The following FGFRL1 variants were observed in gnomAD, a reference collection of about 807,000 sequenced individuals.
FGFRL1 encodes fibroblast growth factor receptor like 1, also known as fibroblast growth factor receptor-like 1.
In FGFRL1, 24 loss-of-function variants were observed where a neutral mutation model predicts 36.8. That is an observed-to-expected ratio of 0.65 (90% CI 0.47 to 0.92). The LOEUF is 0.92. FGFRL1 is among the 40% of genes least tolerant of loss of function. FGFRL1 has a pLI of 0.00. For missense variants in FGFRL1, 785 were observed against 753.4 expected, an observed-to-expected ratio of 1.04 and a Z score of -0.49; for synonymous variants, 422 against 344.1, an observed-to-expected ratio of 1.23 and a Z score of -2.50.
rs1210383455 is a variant in FGFRL1, at chr4:1,024,921, G to A, written c.1089G>A (p.Gly363=). 4.4e-6 allele frequency: 7 copies of A among 1,595,846 alleles called. No individual in the cohort carries two copies. The highest frequency in any genetic ancestry group is 1.3e-5 in the African/African-American group (1 of 74,662). Residue 363 remains glycine (G), a synonymous_variant, in exon 7 of 7, where the codon GGG becomes GGA. Coordinates refer to ENST00000510644, the MANE Select transcript of FGFRL1 (RefSeq NM_001004356.3). ...LTVLPDPKPP[G]PPVASSSSAT... ...CTCTTGCAGACCCAAAACCGCCAGG[G>A]CCACCTGTGGCCTCCTCGTCCTCGG...
At position 1,025,302 on chromosome 4, in the gene FGFRL1, A is replaced by G. The variant is rs761525836; in HGVS notation, c.1470A>G (p.Ser490=). 2 of 1,570,068 alleles carry G rather than the reference A, an allele frequency of 1.3e-6. No individual in the cohort carries two copies. The highest frequency in any genetic ancestry group is 2.3e-5 in the South Asian group (2 of 86,844). ...THTHTHSHTH[S]HVEGKVHQHI... is the part of the protein sequence containing the mutation. ...CACACACACACTCTCACACACACTC[A>G]CACGTGGAGGGCAAGGTCCACCAGC... is the stretch of plus-strand genomic sequence containing the variant. The change falls in exon 7 of 7, where the codon TCA becomes TCG. Residue 490 remains serine (S), a synonymous_variant. Coordinates refer to ENST00000510644, the MANE Select transcript of FGFRL1 (RefSeq NM_001004356.3).
rs1471904638 is a variant in FGFRL1 at position 1,024,374 on chromosome 4, G to A, written c.782G>A (p.Gly261Glu). ...CCCGTGAACACGACGGTGGACTTCG[G>A]GGGGACCACGTCCTTCCAGTGCAAG... ...THPVNTTVDFGGTTSFQCKVR... is the reference protein window; with the variant it reads ...THPVNTTVDFEGTTSFQCKVR... The change falls in exon 6 of 7, where the codon GGG becomes GAG. Residue 261 changes from glycine (G) to glutamate (E), a missense_variant. Physicochemically the swap from Gly to Glu is moderately conservative, Grantham distance 98. Coordinates refer to ENST00000510644, the MANE Select transcript of FGFRL1 (RefSeq NM_001004356.3). 6.2e-7 allele frequency: 1 copy of A among 1,612,418 alleles called. No homozygotes were observed. Among genetic ancestry groups the A allele is most frequent in the Admixed American group, 1.7e-5 (1 of 60,006 alleles).
At chr4:1,013,189 C>T (rs1354983679) in intron 2 of FGFRL1, among the ~76,000 whole-genome samples, 2 of 152,256 alleles carry the variant, frequency 1.3e-5, no homozygotes, top group Non-Finnish European at 2.9e-5. Flanking sequence ...CTGGTACGTG[C>T]TCATGGCACC....
rs1288343336 is a variant in FGFRL1, at chr4:1,026,281, C to T, written c.*934C>T. On this transcript the variant is annotated 3_prime_UTR_variant, in exon 7 of 7. Coordinates refer to ENST00000510644, the MANE Select transcript of FGFRL1 (RefSeq NM_001004356.3). ...ACACACTTCCGGACACACATGCACA[C>T]ACAGGTGCAGATATGCTGCCTGGAC... 1 of 158,480 alleles carries T rather than the reference C, an allele frequency of 6.3e-6. No homozygotes were observed. The highest frequency in any genetic ancestry group is 1.4e-5 in the Non-Finnish European group (1 of 72,220). 9.8% of individuals were successfully genotyped at this position (158,480 alleles called of 1,614,324 possible).
intron 2 of FGFRL1, among the ~76,000 whole-genome samples, chr4:1,014,357 C>G (rs1174009735): frequency 2.6e-5 from 4 of 152,038 alleles, no homozygotes; most frequent in Admixed American, 1.3e-4. Flanking sequence ...TTGAGAGGTT[C>G]TGCATGAAAT....
chr4:1,025,290 T>G lies in FGFRL1; in HGVS notation c.1458T>G (p.Ser486=). 6.4e-7 allele frequency: 1 copy of G among 1,569,650 alleles called. No individual in the cohort carries two copies. The highest frequency in any genetic ancestry group is 1.4e-5 in the African/African-American group (1 of 73,448). ...TDIHTHTHTH[S]HTHSHVEGKV... is the part of the protein sequence containing the mutation. ...TCCACACACACACACACACACACTC[T>G]CACACACACTCACACGTGGAGGGCA... is the stretch of plus-strand genomic sequence containing the variant. Residue 486 remains serine (S), a synonymous_variant, in exon 7 of 7, where the codon TCT becomes TCG. Transcript: ENST00000510644.
chr4:1,010,416 C>T (rs1335238373), upstream of FGFRL1, among the ~76,000 whole-genome samples: 1 of 152,242 alleles, frequency 6.6e-6, no homozygotes, highest in Non-Finnish European at 1.5e-5. Flanking sequence ...TTGGGACGGC[C>T]GGGTAGTTCG....
upstream of FGFRL1, among the ~76,000 whole-genome samples, chr4:1,010,452 C>G (rs1183000691): frequency 2.0e-5 from 3 of 152,262 alleles, no homozygotes; most frequent in Admixed American, 2.0e-4. Context: ...CACACCCTGA[C>G]AGCTGGCGCC....
At chr4:1,020,477 G>C (rs1488082198) in intron 2 of FGFRL1, among the ~76,000 whole-genome samples, 1 of 151,726 alleles carries the variant, frequency 6.6e-6, no homozygotes, top group African/African-American at 2.4e-5. Context: ...GCGGTGCCCC[G>C]AGTTTCTGAG....
chr4:1,010,469 G>A (rs112732512), upstream of FGFRL1, among the ~76,000 whole-genome samples: 2,248 of 152,326 alleles, frequency 0.015, 49 homozygotes, highest in African/African-American at 0.048. Flanking sequence ...CGCCCCCCAC[G>A]CCCCGCCTAG....
chr4:1,013,831 C>T (rs1259677310), intron 2 of FGFRL1, among the ~76,000 whole-genome samples: 1 of 152,294 alleles, frequency 6.6e-6, no homozygotes, highest in African/African-American at 2.4e-5. Context: ...GAGCCCGCCT[C>T]TTCGTGGAGA....
intron 2 of FGFRL1, among the ~76,000 whole-genome samples, chr4:1,014,739 C>T (rs1254392720): frequency 3.3e-5 from 5 of 152,362 alleles, no homozygotes; most frequent in African/African-American, 7.2e-5. Flanking sequence ...GTGGCTGGCC[C>T]GTGTGCAGCG....
chr4:1,024,864 C>T (rs371931630), intron 6 of FGFRL1, 41 bp from the exon 7 acceptor site: 74 of 1,539,108 alleles, frequency 4.8e-5, no homozygotes, highest in South Asian at 1.9e-4. Context: ...GTCTTTGTGT[C>T]GGCGTTCCCC....
In FGFRL1 at chr4:1,023,558, G is replaced by A. The variant is rs1716312374; in HGVS notation, c.353-83G>A. ...AGGGCTGTCCCGGCTGGGGCTGGGG[G>A]AGCTAGAGGCCACGGGGGAGTTGGG... On this transcript the variant is annotated intron_variant, in intron 3 of 6. Coordinates refer to ENST00000510644, the MANE Select transcript of FGFRL1 (RefSeq NM_001004356.3). The surrounding 1 kb of genome is among the most constrained non-coding windows in gnomAD (Gnocchi z 6.0). The A allele has an allele frequency of 1.6e-6, 2 of 1,288,712 alleles. No individual in the cohort carries two copies. Among genetic ancestry groups the A allele is most frequent in the African/African-American group, 1.5e-5 (1 of 67,910 alleles). The allele number at this position is 1,288,712 out of a possible 1,614,324, so 79.8% of individuals were successfully genotyped here.
chr4:1,021,846 C>T (rs1039094082), intron 2 of FGFRL1, among the ~76,000 whole-genome samples: 6 of 152,186 alleles, frequency 3.9e-5, no homozygotes, highest in African/African-American at 1.4e-4. Context: ...GGAGACTCTG[C>T]CCTTTTGGTT....
At chr4:1,022,160 C>T (rs1344319943) in intron 2 of FGFRL1, 43 bp from the exon 3 acceptor site, 24 of 1,467,936 alleles carry the variant, frequency 1.6e-5, no homozygotes, top group Non-Finnish European at 2.2e-5. Context: ...GGCTCCGGAC[C>T]CCAAGCCCCT....
At chr4:1,020,078 G>A (rs112311743) in intron 2 of FGFRL1, among the ~76,000 whole-genome samples, 7 of 152,356 alleles carry the variant, frequency 4.6e-5, no homozygotes, top group Admixed American at 2.0e-4. Context: ...GAGGGTCCCT[G>A]TCCCCAGACT....
At chr4:1,017,236 C>A (rs1371010498) in intron 2 of FGFRL1, among the ~76,000 whole-genome samples, 1 of 152,028 alleles carries the variant, frequency 6.6e-6, no homozygotes. Context: ...TTGGGCCATG[C>A]AGGGCCCCCC....
chr4:1,023,784 G>C lies in FGFRL1; in HGVS notation c.434-33G>C. 2 of 1,562,602 alleles carry C rather than the reference G, an allele frequency of 1.3e-6. No individual in the cohort carries two copies. Among genetic ancestry groups the C allele is most frequent in the African/African-American group, 1.4e-5 (1 of 73,912 alleles). On this transcript the variant is annotated intron_variant, in intron 4 of 6. Coordinates refer to ENST00000510644, the MANE Select transcript of FGFRL1 (RefSeq NM_001004356.3). This position sits in a 1 kb window ranked among gnomAD's most constrained non-coding sequence, Gnocchi z 6.0. ...GTCCCGGCCCCTTGGCTGCATCCCC[G>C]TCCTCTGACCTCCACGCCACCCCAC...
Sources: gnomAD v4.1 joint callset for allele counts (sites outside exome capture counted in the v4.1 genomes callset) on GRCh38, gnomAD v4.1.1 for gene constraint, Gnocchi (gnomAD v3.1) non-coding constraint, MANE v1.5 for transcripts, NCBI Gene and HGNC (gene_info 2026-07-23, HGNC 2026-07-21) for gene names.